Variants in AGBL4 observed in about 807,000 individuals in gnomAD.
AGBL4 encodes the protein cytosolic carboxypeptidase 6.
A neutral mutation model predicts 66.4 loss-of-function variants in AGBL4; 58 were observed. That is an observed-to-expected ratio of 0.87 (90% CI 0.71 to 1.09). The LOEUF is 1.09. Among genes scored for constraint, AGBL4 ranks in the 50% least tolerant of loss-of-function variants. AGBL4 has a pLI of 0.00. For synonymous variants in AGBL4, 234 were observed against 222.9 expected (o/e 1.05, Z -0.44); for missense variants, 579 against 631.0 (o/e 0.92, Z 0.88).
chr1:49,844,319 C>T (rs2148047080), intron 2 of AGBL4, among the ~76,000 whole-genome samples: 1 of 152,292 alleles, frequency 6.6e-6, no homozygotes, highest in East Asian at 1.9e-4. Context: ...ATTGCTCCTT[C>T]CAAGTCCAGT....
chr1:49,158,610 C>T (rs768903927), intron 4 of AGBL4, among the ~76,000 whole-genome samples: 50 of 151,930 alleles, frequency 3.3e-4, no homozygotes, highest in Non-Finnish European at 5.1e-4. Flanking sequence ...GAGTTCAAGT[C>T]CTGAATATCC....
intron 9 of AGBL4, among the ~76,000 whole-genome samples, chr1:48,630,562 A>T (rs1402772814): frequency 6.6e-6 from 1 of 152,046 alleles, no homozygotes; most frequent in Non-Finnish European, 1.5e-5. Context: ...CTGGCTCCTT[A>T]TTACCTCTAG....
intron 2 of AGBL4, among the ~76,000 whole-genome samples, chr1:49,699,336 A>C (rs1420991031): frequency 6.6e-6 from 1 of 151,994 alleles, no homozygotes; most frequent in Non-Finnish European, 1.5e-5. Context: ...GTGTGTACAT[A>C]AAAAATACTT....
chr1:49,987,693 C>CTT (rs1491157503), intron 1 of AGBL4, among the ~76,000 whole-genome samples: 2 of 151,948 alleles, frequency 1.3e-5, no homozygotes, highest in African/African-American at 2.4e-5. Context: ...AAATTATACA[C>CTT]TTTTAAAATT....
chr1:49,195,203 T>C (rs1647205344), intron 4 of AGBL4, among the ~76,000 whole-genome samples: 1 of 152,202 alleles, frequency 6.6e-6, no homozygotes, highest in Admixed American at 6.5e-5. Flanking sequence ...TGTTTCCATT[T>C]GATTATTTTC....
chr1:49,064,545 T>C (rs1019673090), intron 4 of AGBL4, among the ~76,000 whole-genome samples: 1 of 152,232 alleles, frequency 6.6e-6, no homozygotes, highest in African/African-American at 2.4e-5. Context: ...AGGTCTCTAC[T>C]TCCCATGGAT....
chr1:48,685,697 G>A (rs1025605858), intron 6 of AGBL4, among the ~76,000 whole-genome samples: 2 of 152,136 alleles, frequency 1.3e-5, no homozygotes, highest in African/African-American at 4.8e-5. Flanking sequence ...ACTAGCCCAC[G>A]GCCTGGCATA....
rs1361368988 is a variant in AGBL4, at chr1:49,949,841, C to T, written c.34+73922G>A. On this transcript the variant is annotated intron_variant, in intron 1 of 13. Coordinates refer to ENST00000371839, the MANE Select transcript of AGBL4 (RefSeq NM_032785.4). ...TAAAACTACCATTTGATCCAGCAATCCCACTACTGGGTATCTACCCAGAAG... is the reference window on the plus strand; with the variant it reads ...TAAAACTACCATTTGATCCAGCAATTCCACTACTGGGTATCTACCCAGAAG... Among the ~76,000 whole-genome samples, 6 of 151,334 alleles carry T rather than the reference C, an allele frequency of 4.0e-5. No individual in the cohort carries two copies. The South Asian group carries it at 8.3e-4, about 21-fold the overall frequency.
At chr1:49,941,693 T>TA (rs1043592898) in intron 1 of AGBL4, among the ~76,000 whole-genome samples, 1 of 151,950 alleles carries the variant, frequency 6.6e-6, no homozygotes, top group Non-Finnish European at 1.5e-5. Context: ...TTCATGATTT[T>TA]AAAAAAACTC....
At chr1:49,648,634 T>A (rs984125554) in intron 3 of AGBL4, among the ~76,000 whole-genome samples, 1 of 151,964 alleles carries the variant, frequency 6.6e-6, no homozygotes, top group Non-Finnish European at 1.5e-5. Flanking sequence ...TAACACCTTA[T>A]CTAGGGGTAA....
intron 3 of AGBL4, among the ~76,000 whole-genome samples, chr1:49,253,754 G>A (rs543707172): frequency 8.6e-5 from 13 of 150,626 alleles, no homozygotes; most frequent in South Asian, 2.1e-4. Flanking sequence ...GAACACTGAC[G>A]CAAAAATCCT....
chr1:48,771,850 C>G (rs780469201), intron 6 of AGBL4, among the ~76,000 whole-genome samples: 1 of 152,190 alleles, frequency 6.6e-6, no homozygotes, highest in Non-Finnish European at 1.5e-5. Context: ...AAGAACATGG[C>G]TTTGGAAGCT....
chr1:49,781,297 G>A (rs1177592891), intron 2 of AGBL4, among the ~76,000 whole-genome samples: 3 of 152,114 alleles, frequency 2.0e-5, no homozygotes, highest in Non-Finnish European at 4.4e-5. Context: ...AGGAGGCTGA[G>A]GCGGAAGGAT....
At chr1:48,661,229 G>A (rs1646102361) in intron 7 of AGBL4, among the ~76,000 whole-genome samples, 1 of 152,368 alleles carries the variant, frequency 6.6e-6, no homozygotes, top group African/African-American at 2.4e-5. Context: ...CACAAAGCAG[G>A]TGGCAGGAGG....
intron 1 of AGBL4, among the ~76,000 whole-genome samples, chr1:49,935,427 A>C (rs1337937840): frequency 3.9e-5 from 6 of 152,198 alleles, no homozygotes; most frequent in Non-Finnish European, 8.8e-5. Context: ...ACAAAAAGAC[A>C]GCAGTAACCT....
At chr1:49,654,729 G>C (rs1314912060) in intron 3 of AGBL4, among the ~76,000 whole-genome samples, 3 of 152,130 alleles carry the variant, frequency 2.0e-5, no homozygotes, top group Non-Finnish European at 4.4e-5. Flanking sequence ...TGTTTTATCA[G>C]AGACTAGGAT....
At chr1:48,947,689 G>A (rs527916474) in intron 5 of AGBL4, among the ~76,000 whole-genome samples, 10 of 152,020 alleles carry the variant, frequency 6.6e-5, no homozygotes, top group Non-Finnish European at 2.9e-5. Flanking sequence ...TCCTCAAAAC[G>A]TAACATACTC....
chr1:49,948,572 T>A (rs570599197), intron 1 of AGBL4, among the ~76,000 whole-genome samples: 7 of 116,816 alleles, frequency 6.0e-5, no homozygotes, highest in African/African-American at 7.0e-5. Flanking sequence ...AAAATATATA[T>A]ATATATATAT....
chr1:48,637,655 C>T (rs1214818384), intron 8 of AGBL4, among the ~76,000 whole-genome samples: 1 of 149,032 alleles, frequency 6.7e-6, no homozygotes, highest in Non-Finnish European at 1.5e-5. Flanking sequence ...GGAACAGAGG[C>T]AGAGTATTCT....
Sources: allele counts gnomAD v4.1 joint callset (sites outside exome capture counted in the v4.1 genomes callset), GRCh38; gene constraint gnomAD v4.1.1; transcripts MANE v1.5; gene names NCBI Gene and HGNC (gene_info 2026-07-23, HGNC 2026-07-21).